Variants in ADAM22 observed in about 807,000 individuals in gnomAD.
ADAM22 encodes the protein disintegrin and metalloproteinase domain-containing protein 22.
A neutral mutation model predicts 144.6 loss-of-function variants in ADAM22; 65 were observed. The observed-to-expected ratio is 0.45, with a 90% confidence interval of 0.37 to 0.55. ADAM22 has a LOEUF of 0.55. Ranked by LOEUF, ADAM22 falls within the 20% of genes least tolerant of loss-of-function variation. ADAM22 has a pLI of 0.00. For missense variants in ADAM22, 974 were observed against 1,184.9 expected (o/e 0.82, Z 2.61); for synonymous variants, 391 against 412.6 (o/e 0.95, Z 0.63).
Position 88,163,163 on chromosome 7 carries a change from A to G in ADAM22, c.2059A>G (p.Ile687Val), listed in dbSNP as rs768500397. 12 of 1,605,780 alleles carry G rather than the reference A, an allele frequency of 7.5e-6. No individual in the cohort carries two copies. Among genetic ancestry groups the G allele is most frequent in the South Asian group, 6.7e-5 (6 of 89,150 alleles). Residue 687 changes from isoleucine (I) to valine (V), a missense_variant, in exon 23 of 32, where the codon ATT (isoleucine) becomes GTT (valine). Physicochemically the swap from Ile to Val is conservative, Grantham distance 29 (BLOSUM62 3). Around this residue, in one of 2 missense-constraint regions of ADAM22, gnomAD observed 734 missense variants for 950.6 expected, o/e 0.77. Transcript: ENST00000413139. ...STCLSSKEGT[I>V]CSGNGVCSNE... is the part of the protein sequence containing the mutation. ...TTGCTTGAGCAGTAAAGAAGGCACT[A>G]TTTGCTCAGGAAATGGAGTAAGTAT... is the stretch of plus-strand genomic sequence containing the variant.
chr7:88,078,225 A>T (rs1815262371), intron 4 of ADAM22, among the ~76,000 whole-genome samples: 1 of 152,224 alleles, frequency 6.6e-6, no homozygotes, highest in Non-Finnish European at 1.5e-5. Flanking sequence ...ACCACTGCTG[A>T]TACCCAGGCA....
chr7:88,145,264 G>A, intron 16 of ADAM22, 68 bp downstream of exon 16: 2 of 1,529,296 alleles, frequency 1.3e-6, no homozygotes, highest in South Asian at 2.3e-5. Flanking sequence ...CACACACTGA[G>A]ATGTATGGAG....
rs776150211 is a variant in ADAM22, at chr7:88,156,001, C to A, written c.1902C>A (p.Asn634Lys). Residue 634 changes from asparagine to lysine, a missense_variant, in exon 22 of 32, where the codon AAC (asparagine) becomes AAA (lysine). Asn to Lys is a moderately conservative substitution (Grantham distance 94, BLOSUM62 0). Coordinates refer to ENST00000413139, the MANE Select transcript of ADAM22 (RefSeq NM_001324418.2). ...TLVVQQGRTL[N>K]CSGGHVKLEE... ...TTGTGCAGCAAGGAAGAACATTAAACTGCAGGTAATTATCTAACCATTCTG... is the reference window on the plus strand; with the variant it reads ...TTGTGCAGCAAGGAAGAACATTAAAATGCAGGTAATTATCTAACCATTCTG... The A allele has an allele frequency of 1.9e-6, 3 of 1,612,846 alleles. No homozygotes were observed. Among genetic ancestry groups the A allele is most frequent in the Non-Finnish European group, 2.5e-6 (3 of 1,179,392 alleles).
At chr7:88,053,571 G>A (rs1287618620) in intron 3 of ADAM22, among the ~76,000 whole-genome samples, 1 of 105,122 alleles carries the variant, frequency 9.5e-6, no homozygotes, top group East Asian at 3.2e-4. Context: ...AAAGAAGGAA[G>A]GAGGAAAGGA....
At chr7:88,064,825 G>A (rs192337092) in intron 3 of ADAM22, among the ~76,000 whole-genome samples, 2 of 152,150 alleles carry the variant, frequency 1.3e-5, no homozygotes, top group Non-Finnish European at 2.9e-5. Flanking sequence ...ACTTTGGAAG[G>A]ATGCATCCAT....
chr7:87,956,746 C>T (rs1846870898), intron 2 of ADAM22, among the ~76,000 whole-genome samples: 1 of 152,076 alleles, frequency 6.6e-6, no homozygotes, highest in South Asian at 2.1e-4. Flanking sequence ...TAATGTTTTC[C>T]AGTTTCATTC....
chr7:87,966,665 T>C (rs145853849), intron 2 of ADAM22, among the ~76,000 whole-genome samples: 312 of 144,584 alleles, frequency 2.2e-3, no homozygotes, highest in South Asian at 4.6e-3. Flanking sequence ...ACTGGAAATG[T>C]AGCAAGGTAA....
intron 4 of ADAM22, among the ~76,000 whole-genome samples, chr7:88,080,661 G>A (rs1816266587): frequency 6.6e-6 from 1 of 152,066 alleles, no homozygotes; most frequent in East Asian, 1.9e-4. Context: ...AATGACAAAG[G>A]TGATATCTCC....
At chr7:88,185,168 A>T (rs1360557766) in intron 29 of ADAM22, among the ~76,000 whole-genome samples, 1 of 152,210 alleles carries the variant, frequency 6.6e-6, no homozygotes, top group Non-Finnish European at 1.5e-5. Context: ...GTGAAAGCAC[A>T]AGTTGGCAAT....
chr7:87,956,378 A>G (rs1206992471), intron 2 of ADAM22, among the ~76,000 whole-genome samples: 1 of 152,226 alleles, frequency 6.6e-6, no homozygotes, highest in Non-Finnish European at 1.5e-5. Context: ...TTGTGACTTT[A>G]GCTAACCTAA....
intron 3 of ADAM22, among the ~76,000 whole-genome samples, chr7:87,988,925 T>C (rs1403707341): frequency 6.6e-6 from 1 of 151,956 alleles, no homozygotes; most frequent in Non-Finnish European, 1.5e-5. Flanking sequence ...AAAGAGAAAT[T>C]GTAGTTGCAG....
At chr7:88,006,000 T>C (rs2129458158) in intron 3 of ADAM22, among the ~76,000 whole-genome samples, 1 of 152,318 alleles carries the variant, frequency 6.6e-6, no homozygotes, top group Non-Finnish European at 1.5e-5. Context: ...ATGCTGTGGC[T>C]GCATACTTTC....
In ADAM22 at chr7:88,110,984, G is replaced by A. The variant is rs1178820363; in HGVS notation, c.473+2726G>A. 6.1e-5 allele frequency among the ~76,000 whole-genome samples: 9 copies of A among 146,384 alleles called. No individual in the cohort carries two copies. In the East Asian group the frequency reaches 6.3e-4, roughly 10 times the overall value. ...TCTCGAACTCCTGACCTCGTGATCC[G>A]CCCACCTCAGCCTCCCAAAGTGCTG... is the stretch of plus-strand genomic sequence containing the variant. On this transcript the variant is annotated intron_variant, in intron 5 of 31. Transcript: ENST00000413139.
At chr7:87,980,285 C>CTATTTTTTTTTT (rs1356609097) in intron 3 of ADAM22, among the ~76,000 whole-genome samples, 3 of 31,640 alleles carry the variant, frequency 9.5e-5, no homozygotes, top group Non-Finnish European at 1.0e-4. Context: ...ATGCACTGTG[C>CTATTTTTTTTTT]TCTTTTTTTT....
chr7:87,979,721 C>T (rs1026385726), intron 3 of ADAM22, among the ~76,000 whole-genome samples: 5 of 152,074 alleles, frequency 3.3e-5, no homozygotes, highest in Non-Finnish European at 7.4e-5. Flanking sequence ...GGCTGGGAGT[C>T]ATATTGACTC....
At chr7:87,971,240 TTAGAG>T (rs1310045271) in intron 2 of ADAM22, among the ~76,000 whole-genome samples, 2 of 152,194 alleles carry the variant, frequency 1.3e-5, no homozygotes, top group African/African-American at 2.4e-5. Flanking sequence ...AAAATGCTCT[TTAGAG>T]TATTTTCATG....
At chr7:88,160,803 A>G (rs141654099) in intron 22 of ADAM22, among the ~76,000 whole-genome samples, 1 of 152,034 alleles carries the variant, frequency 6.6e-6, no homozygotes, top group African/African-American at 2.4e-5. Context: ...TGATGAGTTC[A>G]TGTCCTTTGT....
chr7:88,155,559 AG>A (rs1475938916), intron 21 of ADAM22, among the ~76,000 whole-genome samples: 1 of 151,898 alleles, frequency 6.6e-6, no homozygotes, highest in Non-Finnish European at 1.5e-5. Context: ...AAGAAGAAAT[AG>A]ATTAGTATAT....
intron 30 of ADAM22, among the ~76,000 whole-genome samples, chr7:88,187,680 T>C (rs1848623743): frequency 6.6e-6 from 1 of 152,232 alleles, no homozygotes. Context: ...ACTTTCATGT[T>C]ACTGATTGCC....
Sources: allele counts gnomAD v4.1 joint callset (sites outside exome capture counted in the v4.1 genomes callset), GRCh38; gene constraint gnomAD v4.1.1; regional missense constraint gnomAD v4.1.1; transcripts MANE v1.5; gene names NCBI Gene and HGNC (gene_info 2026-07-23, HGNC 2026-07-21).